TICRR: variants seen among roughly 807,000 people sequenced by gnomAD.
TICRR encodes the protein TOPBP1 interacting checkpoint and replication regulator.
In TICRR, 132 loss-of-function variants were observed where a neutral mutation model predicts 178.1. That is an observed-to-expected ratio of 0.74 (90% CI 0.64 to 0.86). The LOEUF is 0.86. Ranked by LOEUF, TICRR falls within the 40% of genes least tolerant of loss-of-function variation. TICRR has a pLI of 0.00. For synonymous variants in TICRR, 991 were observed against 900.7 expected (o/e 1.10, Z -1.79); for missense variants, 2,587 against 2,334.3 (o/e 1.11, Z -2.23).
intron 15 of TICRR, among the ~76,000 whole-genome samples, chr15:89,611,923 G>C (rs754186184): frequency 6.6e-6 from 1 of 152,098 alleles, no homozygotes; most frequent in African/African-American, 2.4e-5. Flanking sequence ...TGCATATTTA[G>C]AGAAGTTGAT....
chr15:89,579,956 C>T (rs1171662171), intron 1 of TICRR: 3 of 152,228 alleles, frequency 2.0e-5, no homozygotes, highest in Non-Finnish European at 4.4e-5. Flanking sequence ...GCAGACTACG[C>T]CATGCACACA....
intron 4 of TICRR, among the ~76,000 whole-genome samples, chr15:89,587,836 GAT>G (rs1315943843): frequency 6.6e-6 from 1 of 152,192 alleles, no homozygotes; most frequent in African/African-American, 2.4e-5. Context: ...TGATCTAAAA[GAT>G]ATTAGAGTAA....
At chr15:89,618,666 G>A (rs1251233644) in intron 17 of TICRR, among the ~76,000 whole-genome samples, 2 of 152,186 alleles carry the variant, frequency 1.3e-5, no homozygotes, top group Non-Finnish European at 2.9e-5. Flanking sequence ...AGCACATGTT[G>A]AATGAGGGTG....
intron 19 of TICRR, among the ~76,000 whole-genome samples, chr15:89,622,198 C>G (rs1963438297): frequency 6.6e-6 from 1 of 152,050 alleles, no homozygotes; most frequent in Admixed American, 6.5e-5. Context: ...GTTGGCCAGG[C>G]TGGTCTCGAA....
Position 89,575,943 on chromosome 15 carries a change from G to T in TICRR, c.357G>T (p.Thr119=), listed in dbSNP as rs746745230. The part of the protein sequence containing the change: ...LDYQWDRPEI[T]SPTKPILRSS... ...ACCAGTGGGACCGGCCCGAGATCAC[G>T]TCGCCCACGAAGCCGATCCTGCGGA... is the stretch of plus-strand genomic sequence containing the variant. Residue 119 remains threonine, a synonymous_variant, in exon 1 of 22, where the codon ACG becomes ACT. Transcript: ENST00000268138. The T allele has an allele frequency of 6.3e-7, 1 of 1,598,376 alleles. No homozygotes were observed. Among genetic ancestry groups the T allele is most frequent in the Non-Finnish European group, 8.5e-7 (1 of 1,174,332 alleles).
In TICRR at chr15:89,624,913, C is replaced by A. The variant is rs1341543108; in HGVS notation, c.4603C>A (p.Gln1535Lys). 10 of 1,614,100 alleles carry A rather than the reference C, an allele frequency of 6.2e-6. No homozygotes were observed. The highest frequency in any genetic ancestry group is 8.5e-6 in the Non-Finnish European group (10 of 1,180,010). The change falls in exon 20 of 22, where the codon CAG becomes AAG. Residue 1535 changes from glutamine (Q) to lysine (K), a missense_variant. By Grantham distance (53) the Gln-to-Lys change is moderately conservative. Coordinates refer to ENST00000268138, the MANE Select transcript of TICRR (RefSeq NM_152259.4). ...CTGTACCACAGATGGGAGACAGTGC[C>A]AGGCTTCGGCACAACTAGACAACCT... ...VHCTTDGRQC[Q>K]ASAQLDNLPA...
rs1344182954 is a variant in TICRR, at chr15:89,624,388, A to G, written c.4078A>G (p.Thr1360Ala). Residue 1360 changes from threonine to alanine, a missense_variant, in exon 20 of 22, where the codon ACT becomes GCT. By Grantham distance (58) the Thr-to-Ala change is moderately conservative (BLOSUM62 0). Coordinates refer to ENST00000268138, the MANE Select transcript of TICRR (RefSeq NM_152259.4). ...AASLSCPVPS[T>A]PPELSQRATL... The stretch of plus-strand genomic sequence containing the variant: ...ATCTCTCTCCTGCCCTGTTCCCTCA[A>G]CTCCCCCTGAACTCTCACAGAGAGC... 2.5e-6 allele frequency: 4 copies of G among 1,614,004 alleles called. No individual in the cohort carries two copies. The highest frequency in any genetic ancestry group is 1.1e-5 in the South Asian group (1 of 91,070).
chr15:89,620,080 A>G (rs906979348), intron 18 of TICRR, among the ~76,000 whole-genome samples: 4 of 152,216 alleles, frequency 2.6e-5, no homozygotes, highest in African/African-American at 9.6e-5. Flanking sequence ...TCATTCATTC[A>G]AGAGGAAGCT....
rs760343470 is a variant in TICRR at position 89,623,762 on chromosome 15, C to A, written c.3452C>A (p.Ala1151Glu). The change falls in exon 20 of 22, where the codon GCA (alanine) becomes GAA (glutamate). Residue 1151 changes from alanine to glutamate, a missense_variant. By Grantham distance (107) the Ala-to-Glu change is moderately radical. Coordinates refer to ENST00000268138, the MANE Select transcript of TICRR (RefSeq NM_152259.4). The part of the protein sequence containing the change: ...SPAKMTPTKQ[A>E]AFKESLKDSS... The stretch of plus-strand genomic sequence containing the variant: ...GCAAAAATGACCCCTACAAAGCAGG[C>A]AGCTTTTAAGGAGTCCTTAAAAGAC... 5.6e-6 allele frequency: 9 copies of A among 1,613,948 alleles called. No individual in the cohort carries two copies. Among genetic ancestry groups the A allele is most frequent in the African/African-American group, 1.3e-5 (1 of 74,892 alleles).
intron 15 of TICRR, among the ~76,000 whole-genome samples, chr15:89,614,122 C>G (rs1377000879): frequency 6.6e-6 from 1 of 151,918 alleles, no homozygotes; most frequent in African/African-American, 2.4e-5. Flanking sequence ...CCACTGCACT[C>G]CAGCCTGGGC....
chr15:89,620,245 G>A (rs1193347326), intron 18 of TICRR, among the ~76,000 whole-genome samples: 2 of 152,190 alleles, frequency 1.3e-5, no homozygotes, highest in Non-Finnish European at 2.9e-5. Context: ...GTCTCACTCT[G>A]TCACCCAGGC....
intron 8 of TICRR, 147 bp downstream of exon 8, chr15:89,599,622 C>A: frequency 4.0e-6 from 3 of 747,826 alleles, no homozygotes; most frequent in South Asian, 4.1e-5. Context: ...AAGTACAGTT[C>A]CAGATCTCAG....
chr15:89,575,795 C>T lies in TICRR; in HGVS notation c.209C>T (p.Ser70Phe), dbSNP rs763213994. 6 of 1,606,274 alleles carry T rather than the reference C, an allele frequency of 3.7e-6. No homozygotes were observed. Among genetic ancestry groups the T allele is most frequent in the African/African-American group, 1.3e-5 (1 of 74,832 alleles). The change falls in exon 1 of 22, where the codon TCC becomes TTC. Residue 70 changes from serine (S) to phenylalanine (F), a missense_variant. By Grantham distance (155) the Ser-to-Phe change is radical. Transcript: ENST00000268138. ...GTGTCTGACTTCCGCGAGCTGGGGT[C>T]CCGCTCGTGGGAGGACTTTGAGGAG... ...SRVSDFRELG[S>F]RSWEDFEEEL...
Position 89,585,824 on chromosome 15 carries a change from A to T in TICRR, c.1293A>T (p.Arg431=). Residue 431 remains arginine (R), a synonymous_variant, in exon 4 of 22, where the codon CGA becomes CGT. Coordinates refer to ENST00000268138, the MANE Select transcript of TICRR (RefSeq NM_152259.4). ...GCACCAAGGAGGCTGAATTTCAACG[A>T]CATGTTCTCCAAACAGCTGTGGCTG... ...VCRTKEAEFQ[R]HVLQTAVADS... 6.2e-7 allele frequency: 1 copy of T among 1,614,136 alleles called. No individual in the cohort carries two copies. The highest frequency in any genetic ancestry group is 1.7e-5 in the Admixed American group (1 of 60,018).
Position 89,576,232 on chromosome 15 carries a change from T to G in TICRR, c.646T>G (p.Trp216Gly). The change falls in exon 1 of 22, where the codon TGG (tryptophan) becomes GGG (glycine). Residue 216 changes from tryptophan to glycine, a missense_variant. Physicochemically the swap from Trp to Gly is radical, Grantham distance 184. Coordinates refer to ENST00000268138, the MANE Select transcript of TICRR (RefSeq NM_152259.4). ...CTTCTACTGGGTGGATACCACCGAATGGTCTAAGGTAAGGAAGGTTACTGT... is the reference window on the plus strand; with the variant it reads ...CTTCTACTGGGTGGATACCACCGAAGGGTCTAAGGTAAGGAAGGTTACTGT... ...ITFYWVDTTEWSKLWESPDHL... is the reference protein window; with the variant it reads ...ITFYWVDTTEGSKLWESPDHL... The G allele has an allele frequency of 6.4e-7, 1 of 1,564,306 alleles. No individual in the cohort carries two copies. The highest frequency in any genetic ancestry group is 8.6e-7 in the Non-Finnish European group (1 of 1,159,858).
intron 7 of TICRR, among the ~76,000 whole-genome samples, chr15:89,598,777 G>A (rs1963043533): frequency 2.0e-5 from 3 of 152,162 alleles, no homozygotes; most frequent in Middle Eastern, 3.4e-3. Context: ...AGGCCAGGGC[G>A]GATAGATGGC....
chr15:89,584,199 T>G, intron 2 of TICRR, 87 bp from the exon 3 acceptor site: 1 of 1,282,934 alleles, frequency 7.8e-7, no homozygotes, highest in South Asian at 1.6e-5. Flanking sequence ...TTAAATCTCT[T>G]TTTAGTATCT....
rs1183588760 is a variant in TICRR at position 89,582,897 on chromosome 15, T to C, written c.866T>C (p.Leu289Pro). Reference protein sequence around the residue: ...LPTDATLNRLLYNSPEYEASF... With the variant: ...LPTDATLNRLPYNSPEYEASF... Reference sequence around the variant, plus strand: ...ACTGATGCCACTTTAAACCGTTTGCTCTACAATTCTCCTGAGTATGAGGCC... The same window carrying C: ...ACTGATGCCACTTTAAACCGTTTGCCCTACAATTCTCCTGAGTATGAGGCC... Residue 289 changes from leucine to proline, a missense_variant, in exon 2 of 22, where the codon CTC (leucine) becomes CCC (proline). Physicochemically the swap from Leu to Pro is moderately conservative, Grantham distance 98. Transcript: ENST00000268138. The C allele has an allele frequency of 6.2e-7, 1 of 1,614,186 alleles. No individual in the cohort carries two copies. The highest frequency in any genetic ancestry group is 8.5e-7 in the Non-Finnish European group (1 of 1,180,006).
chr15:89,594,810 T>C (rs933775638), intron 6 of TICRR, among the ~76,000 whole-genome samples: 1 of 152,260 alleles, frequency 6.6e-6, no homozygotes, highest in Non-Finnish European at 1.5e-5. Context: ...GTTCTGCTTA[T>C]TAGTATTTTT....
Sources: allele counts gnomAD v4.1 joint callset (sites outside exome capture counted in the v4.1 genomes callset), GRCh38; gene constraint gnomAD v4.1.1; transcripts MANE v1.5; gene names NCBI Gene and HGNC (gene_info 2026-07-23, HGNC 2026-07-21).